CNMD: variants seen among roughly 807,000 people sequenced by gnomAD.
CNMD encodes the protein chondromodulin.
In CNMD, 30 loss-of-function variants were observed where a neutral mutation model predicts 37.5. That is an observed-to-expected ratio of 0.80 (90% CI 0.60 to 1.09). The LOEUF (loss-of-function observed/expected upper bound fraction) is 1.09. Among genes scored for constraint, CNMD ranks in the 50% least tolerant of loss-of-function variants. CNMD has a pLI of 0.00. For synonymous variants in CNMD, 167 were observed against 148.2 expected, an observed-to-expected ratio of 1.13 and a Z score of -0.92; for missense variants, 398 against 423.9, an observed-to-expected ratio of 0.94 and a Z score of 0.54.
Position 52,739,171 on chromosome 13 carries a change from C to T in CNMD, c.73G>A (p.Ala25Thr). Residue 25 changes from alanine to threonine, a missense_variant and splice_region_variant, in exon 2 of 7, where the codon GCG (alanine) becomes ACG (threonine). Transcript: ENST00000377962. The surrounding 1 kb of genome is among the most constrained non-coding windows in gnomAD (Gnocchi z 5.4). ...GGCTTCACCGTCAGCGTAGCGTACG[C>T]CTGCGGGCCGGGGCGGGAGAGGGAC... is the stretch of plus-strand genomic sequence containing the variant. ...PDDVEFCSPP[A>T]YATLTVKPSS... 1 of 1,487,506 alleles carries T rather than the reference C, an allele frequency of 6.7e-7. No homozygotes were observed. Among genetic ancestry groups the T allele is most frequent in the Non-Finnish European group, 8.9e-7 (1 of 1,125,234 alleles). 92.1% of individuals were successfully genotyped at this position (1,487,506 alleles called of 1,614,324 possible).
intron 3 of CNMD, among the ~76,000 whole-genome samples, chr13:52,729,261 C>T (rs1964624785): frequency 6.6e-6 from 1 of 152,090 alleles, no homozygotes; most frequent in African/African-American, 2.4e-5. Flanking sequence ...ACCTTTATTG[C>T]ACAGGGCCCA....
chr13:52,728,609 T>G (rs1167844285), intron 3 of CNMD, among the ~76,000 whole-genome samples: 2 of 152,170 alleles, frequency 1.3e-5, no homozygotes, highest in African/African-American at 4.8e-5. Context: ...GGACTCATAG[T>G]TTGAAAAACA....
At chr13:52,705,104 T>C (rs549498647) in intron 6 of CNMD, among the ~76,000 whole-genome samples, 1 of 152,140 alleles carries the variant, frequency 6.6e-6, no homozygotes, top group Non-Finnish European at 1.5e-5. Flanking sequence ...GAGAAAATTA[T>C]AGATTGAACA....
At chr13:52,711,940 G>T (rs572729908) in intron 5 of CNMD, among the ~76,000 whole-genome samples, 1 of 106,952 alleles carries the variant, frequency 9.3e-6, no homozygotes, top group South Asian at 4.0e-4. Context: ...TTTCCATGCT[G>T]CTGTCTGCTA....
chr13:52,719,717 C>T (rs904183578), intron 4 of CNMD, among the ~76,000 whole-genome samples: 22 of 152,150 alleles, frequency 1.4e-4, no homozygotes, highest in African/African-American at 5.3e-4. Flanking sequence ...ATGGGCTTCC[C>T]TTTGTGGGTA....
chr13:52,720,203 A>C (rs1964458868), intron 4 of CNMD, among the ~76,000 whole-genome samples: 1 of 152,144 alleles, frequency 6.6e-6, no homozygotes, highest in Non-Finnish European at 1.5e-5. Flanking sequence ...GTTCTTCTTT[A>C]AAATGGTTAT....
chr13:52,730,910 A>G (rs1343756893), intron 3 of CNMD, among the ~76,000 whole-genome samples: 1 of 152,132 alleles, frequency 6.6e-6, no homozygotes, highest in Non-Finnish European at 1.5e-5. Flanking sequence ...GGGGTCCTGG[A>G]CGAACCGGGG....
chr13:52,710,030 G>A (rs181737888), intron 5 of CNMD, among the ~76,000 whole-genome samples: 45 of 152,256 alleles, frequency 3.0e-4, no homozygotes, highest in Admixed American at 1.6e-3. Flanking sequence ...AGCCCGTTTC[G>A]TTATCTGTAA....
intron 4 of CNMD, among the ~76,000 whole-genome samples, chr13:52,714,978 A>T (rs1964347535): frequency 6.6e-6 from 1 of 152,176 alleles, no homozygotes; most frequent in South Asian, 2.1e-4. Context: ...CTAATATTTT[A>T]GTCAAGATTC....
rs187627189 is a variant in CNMD at position 52,731,075 on chromosome 13, G to A, written c.354+2144C>T. 8.7e-4 allele frequency among the ~76,000 whole-genome samples: 132 copies of A among 152,218 alleles called. 2 individuals carry two copies. In the East Asian group the frequency reaches 0.023, roughly 27 times the overall value. On this transcript the variant is annotated intron_variant, in intron 3 of 6. Coordinates refer to ENST00000377962, the MANE Select transcript of CNMD (RefSeq NM_007015.3). ...ATGTTCACTATTTTTCCCTGGGCCT[G>A]GAGAGCCTTCCCCTACCTGTCTGAC...
rs757433482 is a variant in CNMD at position 52,739,745 on chromosome 13, C to G, written c.-44G>C. On this transcript the variant is annotated 5_prime_UTR_variant, in exon 1 of 7. Coordinates refer to ENST00000377962, the MANE Select transcript of CNMD (RefSeq NM_007015.3). The surrounding 1 kb of genome is among the most constrained non-coding windows in gnomAD (Gnocchi z 5.4). ...GAGGCACTTGGAGACTCCCTGGGCA[C>G]CCTGGGATCTGTCCCGCTGCCCCGA... 5 of 1,543,866 alleles carry G rather than the reference C, an allele frequency of 3.2e-6. No homozygotes were observed. The highest frequency in any genetic ancestry group is 4.5e-6 in the Non-Finnish European group (5 of 1,116,936).
intron 2 of CNMD, among the ~76,000 whole-genome samples, chr13:52,733,952 G>C (rs867555275): frequency 1.3e-5 from 2 of 152,174 alleles, no homozygotes; most frequent in Non-Finnish European, 2.9e-5. Context: ...CAGGACCAGG[G>C]TATGCTTGAT....
chr13:52,724,143 C>T (rs1426813590), intron 3 of CNMD, 33 bp from the exon 4 acceptor site: 1 of 1,465,554 alleles, frequency 6.8e-7, no homozygotes, highest in Non-Finnish European at 9.6e-7. Context: ...TCTATCTATC[C>T]ATTTGTTCAT....
intron 3 of CNMD, among the ~76,000 whole-genome samples, chr13:52,730,104 A>C (rs1198806639): frequency 6.6e-6 from 1 of 151,816 alleles, no homozygotes; most frequent in African/African-American, 2.4e-5. Context: ...TAGTTTGCTG[A>C]GAATGATGGT....
chr13:52,726,124 C>G (rs1964568415), intron 3 of CNMD, among the ~76,000 whole-genome samples: 1 of 152,206 alleles, frequency 6.6e-6, no homozygotes, highest in African/African-American at 2.4e-5. Flanking sequence ...ACTGCTGAGG[C>G]TTGGCTCTTA....
chr13:52,737,796 T>C (rs1398985455), intron 2 of CNMD, among the ~76,000 whole-genome samples: 1 of 152,214 alleles, frequency 6.6e-6, no homozygotes, highest in Non-Finnish European at 1.5e-5. Flanking sequence ...CATTTGCTGT[T>C]TCAAACATGA....
intron 2 of CNMD, among the ~76,000 whole-genome samples, chr13:52,736,359 C>A (rs1476640226): frequency 6.6e-6 from 1 of 152,028 alleles, no homozygotes; most frequent in East Asian, 1.9e-4. Context: ...GAACTCCTGA[C>A]CTCAAGTGAT....
At chr13:52,725,023 T>C (rs1964549462) in intron 3 of CNMD, among the ~76,000 whole-genome samples, 1 of 152,212 alleles carries the variant, frequency 6.6e-6, no homozygotes, top group Non-Finnish European at 1.5e-5. Flanking sequence ...GGTGACTCAA[T>C]GAGGGGATGA....
Position 52,733,364 on chromosome 13 carries a change from A to G in CNMD, c.214-5T>C, listed in dbSNP as rs1378701727. The stretch of plus-strand genomic sequence containing the variant: ...GGTGTAATGGACATTGTAAATCTGA[A>G]AGTGAGCATAAGAGTTAGTGATGCT... On this transcript the variant is annotated splice_polypyrimidine_tract_variant and splice_region_variant and intron_variant, in intron 2 of 6. Transcript: ENST00000377962. The G allele has an allele frequency of 6.2e-7, 1 of 1,613,848 alleles. No homozygotes were observed. Among genetic ancestry groups the G allele is most frequent in the Non-Finnish European group, 8.5e-7 (1 of 1,179,756 alleles).
Sources: allele counts gnomAD v4.1 joint callset (sites outside exome capture counted in the v4.1 genomes callset), GRCh38; gene constraint gnomAD v4.1.1; non-coding constraint Gnocchi (gnomAD v3.1); transcripts MANE v1.5; gene names NCBI Gene and HGNC (gene_info 2026-07-23, HGNC 2026-07-21).